The following EHD1 variants were observed in gnomAD, a reference collection of about 807,000 sequenced individuals.
EHD1 encodes the protein EH domain containing 1.
In EHD1, 19 loss-of-function variants were observed where a neutral mutation model predicts 39.0. The ratio of observed to expected loss-of-function variants is 0.49; its 90% CI spans 0.34 to 0.72. The LOEUF is 0.72. EHD1 is among the 30% of genes least tolerant of loss of function. The pLI, the probability that EHD1 is intolerant of heterozygous loss-of-function variation, is 0.01. For missense variants in EHD1, 542 were observed against 751.5 expected (o/e 0.72, Z 3.26); for synonymous variants, 323 against 331.2 (o/e 0.98, Z 0.27).
rs1042191465 is a variant in EHD1 at position 64,868,826 on chromosome 11, G to C, written c.502+5595C>G. Among the ~76,000 whole-genome samples the C allele has an allele frequency of 3.3e-5, 5 of 152,334 alleles. No homozygotes were observed. The East Asian group carries it at 9.6e-4, about 29-fold the overall frequency. On this transcript the variant is annotated intron_variant, in intron 2 of 4. Transcript: ENST00000320631. The surrounding 1 kb of genome is among the most constrained non-coding windows in gnomAD (Gnocchi z 4.2). ...GACAGAAGCAACAAAAGAGGGGCGGGAGGGGGCAGAGGAACTCTGGAATCA... is the reference window on the plus strand; with the variant it reads ...GACAGAAGCAACAAAAGAGGGGCGGCAGGGGGCAGAGGAACTCTGGAATCA...
Position 64,868,239 on chromosome 11 carries a change from A to G in EHD1, c.502+6182T>C, listed in dbSNP as rs1943789800. Among the ~76,000 whole-genome samples the G allele has an allele frequency of 6.6e-6, 1 of 152,162 alleles. No homozygotes were observed. Among genetic ancestry groups the G allele is most frequent in the Non-Finnish European group, 1.5e-5 (1 of 68,032 alleles). On this transcript the variant is annotated intron_variant, in intron 2 of 4. Transcript: ENST00000320631. This position sits in a 1 kb window ranked among gnomAD's most constrained non-coding sequence, Gnocchi z 4.2. ...TCAGTATTTCTCGCCCTAGCTCTCCATCACACAGGTTTCCAACGCGTGCTG... is the reference window on the plus strand; with the variant it reads ...TCAGTATTTCTCGCCCTAGCTCTCCGTCACACAGGTTTCCAACGCGTGCTG...
Position 64,868,825 on chromosome 11 carries a change from G to C in EHD1, c.502+5596C>G, listed in dbSNP as rs1487730275. Among the ~76,000 whole-genome samples the C allele has an allele frequency of 6.6e-6, 1 of 152,214 alleles. No homozygotes were observed. The highest frequency in any genetic ancestry group is 1.5e-5 in the Non-Finnish European group (1 of 68,036). On this transcript the variant is annotated intron_variant, in intron 2 of 4. Transcript: ENST00000320631. The surrounding 1 kb of genome is among the most constrained non-coding windows in gnomAD (Gnocchi z 4.2). ...AGACAGAAGCAACAAAAGAGGGGCG[G>C]GAGGGGGCAGAGGAACTCTGGAATC...
At chr11:64,858,789 C>A (rs891768340) in intron 3 of EHD1, among the ~76,000 whole-genome samples, 4 of 152,246 alleles carry the variant, frequency 2.6e-5, no homozygotes, top group African/African-American at 9.6e-5. Context: ...CCACCCACAC[C>A]GGCTCTCACT....
chr11:64,863,556 T>G (rs1414172279), intron 2 of EHD1, among the ~76,000 whole-genome samples: 4 of 152,206 alleles, frequency 2.6e-5, no homozygotes, highest in Non-Finnish European at 5.9e-5. Context: ...AGGCTGCCTC[T>G]ACGCACAAGC....
intron 1 of EHD1, among the ~76,000 whole-genome samples, chr11:64,876,510 G>A (rs948627909): frequency 2.0e-5 from 3 of 152,202 alleles, no homozygotes; most frequent in Non-Finnish European, 2.9e-5. Flanking sequence ...CACCGGTCTC[G>A]GACAAAGCAA....
At chr11:64,855,197 C>A in intron 4 of EHD1, 125 bp downstream of exon 4, 2 of 1,390,222 alleles carry the variant, frequency 1.4e-6, no homozygotes, top group South Asian at 1.5e-5. Flanking sequence ...TGGTGATTAA[C>A]CCAGCTGCTT....
In EHD1 at chr11:64,854,635, C is replaced by T; in HGVS notation, c.1303G>A (p.Asp435Asn). The T allele has an allele frequency of 6.2e-7, 1 of 1,613,958 alleles. No individual in the cohort carries two copies. The highest frequency in any genetic ancestry group is 1.1e-5 in the South Asian group (1 of 91,084). The change falls in exon 5 of 5, where the codon GAC (aspartate) becomes AAC (asparagine). Residue 435 changes from aspartate to asparagine, a missense_variant. Transcript: ENST00000320631. ...GYGEGAGEGI[D>N]DVEWVVGKDK... is the part of the protein sequence containing the mutation. Reference sequence around the variant, plus strand: ...TTGCCCACCACCCACTCCACGTCGTCGATGCCCTCGCCGGCCCCCTCGCCG... The same window carrying T: ...TTGCCCACCACCCACTCCACGTCGTTGATGCCCTCGCCGGCCCCCTCGCCG...
intron 2 of EHD1, among the ~76,000 whole-genome samples, chr11:64,863,677 G>A (rs1158162218): frequency 6.6e-6 from 1 of 152,212 alleles, no homozygotes; most frequent in African/African-American, 2.4e-5. Context: ...CGCCATCTGT[G>A]AGCCCAAAGC....
intron 3 of EHD1, chr11:64,856,113 C>T (rs572522399): frequency 6.4e-6 from 1 of 155,280 alleles, no homozygotes; most frequent in Admixed American, 6.5e-5. Flanking sequence ...GAAAGGCTGC[C>T]TGGGGTGCTT....
At chr11:64,876,470 T>C (rs1284697327) in intron 1 of EHD1, among the ~76,000 whole-genome samples, 1 of 152,210 alleles carries the variant, frequency 6.6e-6, no homozygotes, top group Non-Finnish European at 1.5e-5. Context: ...GTGCCACCTC[T>C]CAGATCCTGT....
chr11:64,855,487 C>A lies in EHD1; in HGVS notation c.916-1G>T. 1 of 1,613,752 alleles carries A rather than the reference C, an allele frequency of 6.2e-7. No homozygotes were observed. Among genetic ancestry groups the A allele is most frequent in the Non-Finnish European group, 8.5e-7 (1 of 1,179,992 alleles). ...GGGAGCTGATGATGTAGGCGTGAAC[C>A]TGTGAGGACGGGGTGAGCATCAGGC... On this transcript the variant is annotated splice_acceptor_variant, in intron 3 of 4. Transcript: ENST00000320631. LOFTEE classifies it high-confidence loss of function.
chr11:64,859,834 G>A, intron 3 of EHD1, 90 bp downstream of exon 3: 1 of 1,497,928 alleles, frequency 6.7e-7, no homozygotes, highest in East Asian at 2.3e-5. Flanking sequence ...GCTGGGAAGG[G>A]TCTCGGGCAA....
chr11:64,878,154 G>A lies in EHD1; in HGVS notation c.311C>T (p.Pro104Leu). The part of the protein sequence containing the change: ...TDSFIAVMHG[P>L]TEGVVPGNAL... ...GTTGCCCGGCACCACGCCCTCAGTG[G>A]GGCCGTGCATGACGGCGATGAAGGA... is the stretch of plus-strand genomic sequence containing the variant. The change falls in exon 1 of 5, where the codon CCC (proline) becomes CTC (leucine). Residue 104 changes from proline to leucine, a missense_variant. Physicochemically the swap from Pro to Leu is moderately conservative, Grantham distance 98. Coordinates refer to ENST00000320631, the MANE Select transcript of EHD1 (RefSeq NM_006795.4). 4 of 1,598,596 alleles carry A rather than the reference G, an allele frequency of 2.5e-6. No homozygotes were observed. The highest frequency in any genetic ancestry group is 3.4e-6 in the Non-Finnish European group (4 of 1,168,138).
rs61745217 is a variant in EHD1 at position 64,860,005 on chromosome 11, G to A, written c.834C>T (p.Leu278=). The A allele has an allele frequency of 1.9e-6, 3 of 1,613,890 alleles. No homozygotes were observed. In the African/African-American group the frequency reaches 4.0e-5, roughly 22 times the overall value. The change falls in exon 3 of 5, where the codon CTC becomes CTT. Residue 278 remains leucine, a synonymous_variant. Coordinates refer to ENST00000320631, the MANE Select transcript of EHD1 (RefSeq NM_006795.4). The stretch of plus-strand genomic sequence containing the variant: ...GGGGCAGTGACTGGATGTCCTTGAA[G>A]AGGTCCTGCTCCTCGGCCTCAAAGA... ...RKLFEAEEQD[L]FKDIQSLPRN...
At chr11:64,866,316 T>C (rs946281299) in intron 2 of EHD1, among the ~76,000 whole-genome samples, 1 of 152,130 alleles carries the variant, frequency 6.6e-6, no homozygotes, top group Non-Finnish European at 1.5e-5. Context: ...CATCCATGGG[T>C]GTGAAACATT....
chr11:64,855,017 T>C, intron 4 of EHD1, 160 bp from the exon 5 acceptor site: 1 of 969,804 alleles, frequency 1.0e-6, no homozygotes, highest in Non-Finnish European at 1.5e-6. Flanking sequence ...CTCTAACCTG[T>C]ACACAGGAGG....
At chr11:64,865,379 T>C (rs1943757262) in intron 2 of EHD1, among the ~76,000 whole-genome samples, 1 of 152,236 alleles carries the variant, frequency 6.6e-6, no homozygotes, top group South Asian at 2.1e-4. Context: ...ACGGCCGGTA[T>C]CAAGTACAGA....
chr11:64,854,508 G>T lies in EHD1; in HGVS notation c.1430C>A (p.Pro477His). 1 of 1,614,138 alleles carries T rather than the reference G, an allele frequency of 6.2e-7. No individual in the cohort carries two copies. Among genetic ancestry groups the T allele is most frequent in the East Asian group, 2.2e-5 (1 of 44,862 alleles). ...AKKEMVKSKL[P>H]NTVLGKIWKL... is the part of the protein sequence containing the mutation. ...CCAGATCTTCCCTAGCACGGTGTTG[G>T]GGAGCTTGGACTTCACCATCTCCTT... Residue 477 changes from proline to histidine, a missense_variant, in exon 5 of 5, where the codon CCC becomes CAC. Pro to His is a moderately conservative substitution (Grantham distance 77). Transcript: ENST00000320631.
chr11:64,878,615 G>A lies in EHD1; in HGVS notation c.-151C>T, dbSNP rs1592757453. ...AGCCCAGCCCGTCGAAGCGCCCTCT[G>A]CCGAATGCTGCGCACCCCTCGCGGA... On this transcript the variant is annotated 5_prime_UTR_variant, in exon 1 of 5. Transcript: ENST00000320631. 2.1e-6 allele frequency: 3 copies of A among 1,418,622 alleles called. No homozygotes were observed. The highest frequency in any genetic ancestry group is 1.8e-6 in the Non-Finnish European group (2 of 1,092,644). 87.9% of individuals were successfully genotyped at this position (1,418,622 alleles called of 1,614,324 possible). A position where few individuals can be genotyped will look rare whatever the true frequency, so the allele number is the denominator to read the frequency against.
Sources: gnomAD v4.1 joint callset for allele counts (sites outside exome capture counted in the v4.1 genomes callset) on GRCh38, gnomAD v4.1.1 for gene constraint, Gnocchi (gnomAD v3.1) non-coding constraint, MANE v1.5 for transcripts, NCBI Gene and HGNC (gene_info 2026-07-23, HGNC 2026-07-21) for gene names.